Variants in SCAI observed in about 807,000 individuals in gnomAD.
SCAI encodes protein SCAI.
Under a neutral mutation model 92.2 loss-of-function variants are expected in SCAI, and 24 were observed. The ratio of observed to expected loss-of-function variants is 0.26; its 90% CI spans 0.19 to 0.37. The LOEUF is 0.37. Ranked by LOEUF, SCAI falls within the 10% of genes least tolerant of loss-of-function variation. SCAI has a pLI of 1.00. For synonymous variants in SCAI, 261 were observed against 258.6 expected (o/e 1.01, Z -0.09); for missense variants, 450 against 736.2 (o/e 0.61, Z 4.50).
At chr9:125,028,683 T>G (rs1833011297) in intron 4 of SCAI, among the ~76,000 whole-genome samples, 1 of 152,192 alleles carries the variant, frequency 6.6e-6, no homozygotes, top group Non-Finnish European at 1.5e-5. Context: ...AGAAACTACT[T>G]TGGCCAATAA....
chr9:125,004,051 C>T (rs1338051701), intron 9 of SCAI, among the ~76,000 whole-genome samples: 1 of 152,046 alleles, frequency 6.6e-6, no homozygotes, highest in Admixed American at 6.6e-5. Context: ...TGGTGGATGC[C>T]TGTAATCCCA....
intron 3 of SCAI, among the ~76,000 whole-genome samples, chr9:125,055,417 T>A (rs1163634308): frequency 6.6e-6 from 1 of 151,916 alleles, no homozygotes; most frequent in African/African-American, 2.4e-5. Flanking sequence ...ACCACCCCAA[T>A]CTGGTAGACA....
chr9:124,978,863 T>G (rs1273246730), intron 14 of SCAI, among the ~76,000 whole-genome samples: 3 of 151,940 alleles, frequency 2.0e-5, no homozygotes, highest in Non-Finnish European at 4.4e-5. Context: ...TCACCAATAC[T>G]TTTTTTCTTT....
chr9:125,097,512 G>A (rs1461672938), intron 2 of SCAI, among the ~76,000 whole-genome samples: 1 of 151,976 alleles, frequency 6.6e-6, no homozygotes, highest in African/African-American at 2.4e-5. Context: ...TCCCCAAAGA[G>A]TTTAAAGGCC....
intron 17 of SCAI, chr9:124,968,564 C>T (rs1285128937): frequency 6.6e-6 from 6 of 911,756 alleles, no homozygotes; most frequent in Middle Eastern, 4.4e-4. Flanking sequence ...CATCATAGTC[C>T]TCAAACGTGT....
At chr9:125,046,341 A>ATATG (rs1554784650) in intron 3 of SCAI, among the ~76,000 whole-genome samples, 2 of 80,406 alleles carry the variant, frequency 2.5e-5, no homozygotes, top group African/African-American at 4.8e-5. Flanking sequence ...ACATATATAT[A>ATATG]TGTGTGTGTG....
At chr9:125,052,075 CA>C (rs1833571533) in intron 3 of SCAI, among the ~76,000 whole-genome samples, 1 of 151,904 alleles carries the variant, frequency 6.6e-6, no homozygotes, top group African/African-American at 2.4e-5. Flanking sequence ...AAAAAGAACT[CA>C]AAATGGATCA....
chr9:125,135,426 C>G (rs905423468), intron 2 of SCAI, among the ~76,000 whole-genome samples: 4 of 151,942 alleles, frequency 2.6e-5, no homozygotes, highest in African/African-American at 9.7e-5. Context: ...CCAAGGCAGG[C>G]GGATCAATTG....
chr9:125,028,452 A>G lies in SCAI; in HGVS notation c.353T>C (p.Leu118Ser). ...HRQVLDNRYG[L>S]KRWQIGEIAS... ...AATTTCTCCTATTTGCCAGCGCTTC[A>G]AGCCATACCGATTATCCAAGACTTG... The change falls in exon 5 of 18, where the codon TTG (leucine) becomes TCG (serine). Residue 118 changes from leucine (L) to serine (S), a missense_variant. By Grantham distance (145) the Leu-to-Ser change is moderately radical (BLOSUM62 -2). Coordinates refer to ENST00000336505, the MANE Select transcript of SCAI (RefSeq NM_001144877.3). 6.2e-7 allele frequency: 1 copy of G among 1,600,330 alleles called. No homozygotes were observed. Among genetic ancestry groups the G allele is most frequent in the Non-Finnish European group, 8.5e-7 (1 of 1,174,574 alleles).
chr9:124,972,878 A>G (rs575197361), intron 15 of SCAI, among the ~76,000 whole-genome samples: 7 of 152,110 alleles, frequency 4.6e-5, no homozygotes, highest in East Asian at 3.9e-4. Flanking sequence ...CCATCTCCCT[A>G]TTTTCATCCA....
chr9:125,028,400 A>G lies in SCAI; in HGVS notation c.405T>C (p.Tyr135=), dbSNP rs1430232303. Residue 135 remains tyrosine, a synonymous_variant, in exon 5 of 18, where the codon TAT becomes TAC. Transcript: ENST00000336505. ...EIASKIGQLY[Y]HYYLRTSETS... ...ATGTGTAATTTACTTACTAATAATG[A>G]TAGTATAGCTGCCCAATCTTGGAAG... 1 of 1,569,470 alleles carries G rather than the reference A, an allele frequency of 6.4e-7. No homozygotes were observed. The highest frequency in any genetic ancestry group is 8.7e-7 in the Non-Finnish European group (1 of 1,146,930).
At chr9:125,063,096 C>G (rs909020042) in intron 2 of SCAI, among the ~76,000 whole-genome samples, 13 of 125,724 alleles carry the variant, frequency 1.0e-4, no homozygotes, top group Non-Finnish European at 2.0e-4. Flanking sequence ...TTAATTATAA[C>G]CCCCCACCCC....
At position 125,137,415 on chromosome 9, in the gene SCAI, T is replaced by A. The variant is rs1259853082; in HGVS notation, c.98+5218A>T. ...AATAAACTGTTCTCTACGTGCCAGA[T>A]GCTATTCTAGCTGCTGGGGATAAAC... On this transcript the variant is annotated intron_variant, in intron 2 of 17. Coordinates refer to ENST00000336505, the MANE Select transcript of SCAI (RefSeq NM_001144877.3). Among the ~76,000 whole-genome samples the A allele has an allele frequency of 2.0e-5, 3 of 152,248 alleles. No homozygotes were observed. The East Asian group carries it at 5.8e-4, about 29-fold the overall frequency.
chr9:125,104,138 A>G (rs1052453312), intron 2 of SCAI, among the ~76,000 whole-genome samples: 1 of 152,244 alleles, frequency 6.6e-6, no homozygotes, highest in African/African-American at 2.4e-5. Flanking sequence ...AATAAAGACA[A>G]TAACTAGAAA....
chr9:124,982,879 C>G (rs1406508383), intron 14 of SCAI, among the ~76,000 whole-genome samples: 1 of 151,932 alleles, frequency 6.6e-6, no homozygotes, highest in Non-Finnish European at 1.5e-5. Flanking sequence ...TATTCACTAG[C>G]TGGGTGTGGT....
rs1373257528 is a variant in SCAI at position 124,952,670 on chromosome 9, G to A, written c.*137C>T. ...ACCCTAAAAGTGTGAACATTTTTTT[G>A]TTTGTTTTTAAAATGGTGGCCCTAA... is the stretch of plus-strand genomic sequence containing the variant. On this transcript the variant is annotated 3_prime_UTR_variant, in exon 18 of 18. Coordinates refer to ENST00000336505, the MANE Select transcript of SCAI (RefSeq NM_001144877.3). The A allele has an allele frequency of 1.6e-6, 1 of 624,048 alleles. No homozygotes were observed. Among genetic ancestry groups the A allele is most frequent in the African/African-American group, 1.9e-5 (1 of 53,334 alleles). The allele number at this position is 624,048 out of a possible 1,614,324, so 38.7% of individuals were successfully genotyped here.
chr9:125,053,312 C>T (rs827663), intron 3 of SCAI, among the ~76,000 whole-genome samples: 149,206 of 152,228 alleles, frequency 0.98, 73,184 homozygotes, highest in East Asian at 1. Flanking sequence ...CCAGCCCGGA[C>T]GACAAGAGCA....
intron 13 of SCAI, among the ~76,000 whole-genome samples, chr9:124,999,116 C>A (rs372271576): frequency 6.6e-6 from 1 of 151,384 alleles, no homozygotes; most frequent in Admixed American, 6.6e-5. Context: ...TGGCCGGGCA[C>A]GGTGGCTCAC....
At chr9:125,004,228 G>T (rs1427752098) in intron 9 of SCAI, among the ~76,000 whole-genome samples, 1 of 151,902 alleles carries the variant, frequency 6.6e-6, no homozygotes, top group Non-Finnish European at 1.5e-5. Context: ...CTACAAACAT[G>T]TTAACCTCCA....
Sources: allele counts gnomAD v4.1 joint callset (sites outside exome capture counted in the v4.1 genomes callset), GRCh38; gene constraint gnomAD v4.1.1; transcripts MANE v1.5; gene names NCBI Gene and HGNC (gene_info 2026-07-23, HGNC 2026-07-21).